The following TRHDE variants were observed in gnomAD, a reference collection of about 807,000 sequenced individuals.
The protein encoded by TRHDE is thyrotropin-releasing hormone-degrading ectoenzyme.
TRHDE carries 72 observed loss-of-function variants against 125.7 expected under a neutral mutation model. That is an observed-to-expected ratio of 0.57 (90% CI 0.47 to 0.70). The LOEUF (loss-of-function observed/expected upper bound fraction) is 0.70. Ranked by LOEUF, TRHDE falls within the 30% of genes least tolerant of loss-of-function variation. TRHDE has a pLI of 0.00. For missense variants in TRHDE, 1,110 were observed against 1,327.1 expected (o/e 0.84, Z 2.54); for synonymous variants, 509 against 509.1 (o/e 1.00, Z 0.00).
chr12:72,408,937 G>C (rs1490879275), intron 3 of TRHDE, among the ~76,000 whole-genome samples: 2 of 152,174 alleles, frequency 1.3e-5, no homozygotes, highest in African/African-American at 4.8e-5. Context: ...CGGAGTTCCA[G>C]AAGAGGAGGA....
chr12:72,636,463 A>C (rs1163551520), intron 15 of TRHDE, among the ~76,000 whole-genome samples: 2 of 151,140 alleles, frequency 1.3e-5, no homozygotes, highest in African/African-American at 2.4e-5. Flanking sequence ...GGACAATTTG[A>C]CTTCCTCTTT....
intron 3 of TRHDE, among the ~76,000 whole-genome samples, chr12:72,430,786 A>G (rs776526828): frequency 2.6e-5 from 4 of 152,068 alleles, no homozygotes; most frequent in Non-Finnish European, 4.4e-5. Context: ...AGTTTTTGCT[A>G]AGAAACAAGT....
chr12:72,429,344 A>AATAATG lies in TRHDE; in HGVS notation c.1316-40409_1316-40408insGATAAT, dbSNP rs1555185446. Among the ~76,000 whole-genome samples, 124 of 136,054 alleles carry AATAATG rather than the reference A, an allele frequency of 9.1e-4. 1 individual carries two copies. Among genetic ancestry groups the AATAATG allele is most frequent in the African/African-American group, 4.0e-3 (118 of 29,170 alleles). The allele number at this position is 136,054 out of a possible 152,430, so 89.3% of individuals were successfully genotyped here. ...CGTAACCCAGAATTTAAAGCATAAT[A>AATAATG]ATAATAATAATAATAATAATAATAA... On this transcript the variant is annotated intron_variant, in intron 3 of 18. Coordinates refer to ENST00000261180, the MANE Select transcript of TRHDE (RefSeq NM_013381.3).
intron 2 of TRHDE, among the ~76,000 whole-genome samples, chr12:72,231,677 A>C (rs2139374525): frequency 6.6e-6 from 1 of 152,286 alleles, no homozygotes; most frequent in East Asian, 1.9e-4. Context: ...TTCTGGAAAG[A>C]CTATGCTTAG....
intron 2 of TRHDE, among the ~76,000 whole-genome samples, chr12:72,149,786 GA>G (rs1020598149): frequency 2.6e-5 from 4 of 151,986 alleles, no homozygotes; most frequent in African/African-American, 9.7e-5. Flanking sequence ...AAAATTGGGT[GA>G]AAAGAAATAC....
chr12:72,527,815 G>A (rs1421491899), intron 6 of TRHDE, among the ~76,000 whole-genome samples: 2 of 151,992 alleles, frequency 1.3e-5, no homozygotes, highest in Non-Finnish European at 2.9e-5. Flanking sequence ...ACTAGAAAAA[G>A]TATGAATTTC....
intron 12 of TRHDE, among the ~76,000 whole-genome samples, chr12:72,588,694 A>T (rs1041921134): frequency 2.0e-5 from 3 of 152,182 alleles, no homozygotes; most frequent in Non-Finnish European, 2.9e-5. Flanking sequence ...GGTCATGAGG[A>T]CAAACTCCAT....
chr12:72,089,043 C>G (rs1312316209), intron 1 of TRHDE, among the ~76,000 whole-genome samples: 1 of 152,146 alleles, frequency 6.6e-6, no homozygotes, highest in African/African-American at 2.4e-5. Context: ...TTTCAAACCT[C>G]CTTTACCCAT....
intron 2 of TRHDE, among the ~76,000 whole-genome samples, chr12:72,171,622 G>T (rs1169712042): frequency 6.6e-6 from 1 of 152,138 alleles, no homozygotes; most frequent in African/African-American, 2.4e-5. Flanking sequence ...CCTAGAAGTT[G>T]TCAAGTGAGT....
At chr12:72,471,338 C>T (rs1876640199) in intron 4 of TRHDE, among the ~76,000 whole-genome samples, 1 of 152,050 alleles carries the variant, frequency 6.6e-6, no homozygotes, top group South Asian at 2.1e-4. Context: ...ATGGTTTTGA[C>T]CGAATATCAT....
At chr12:72,342,851 T>A (rs1870145123) in intron 2 of TRHDE, among the ~76,000 whole-genome samples, 1 of 152,126 alleles carries the variant, frequency 6.6e-6, no homozygotes, top group Non-Finnish European at 1.5e-5. Context: ...CAACTAAGCT[T>A]TGAGATATTA....
intron 2 of TRHDE, among the ~76,000 whole-genome samples, chr12:72,325,086 TA>T (rs952211504): frequency 1.5e-4 from 23 of 151,924 alleles, no homozygotes; most frequent in African/African-American, 5.5e-4. Flanking sequence ...AAAAAGAATT[TA>T]AAAAAAGAAA....
chr12:72,106,787 C>T (rs1251748299), intron 2 of TRHDE, among the ~76,000 whole-genome samples: 1 of 151,832 alleles, frequency 6.6e-6, no homozygotes, highest in East Asian at 1.9e-4. Context: ...GAATATCTCC[C>T]ATTTGCCATA....
chr12:72,311,697 G>A (rs549079415), intron 2 of TRHDE, among the ~76,000 whole-genome samples: 16 of 152,202 alleles, frequency 1.1e-4, no homozygotes, highest in South Asian at 8.3e-4. Flanking sequence ...CATTATATTG[G>A]CCAATTTGGA....
intron 2 of TRHDE, among the ~76,000 whole-genome samples, chr12:72,156,393 C>T (rs1876512395): frequency 1.3e-5 from 2 of 152,168 alleles, no homozygotes; most frequent in South Asian, 2.1e-4. Flanking sequence ...GTGCACTGCA[C>T]CCACTGTCCT....
chr12:72,613,839 C>T (rs1373927894), intron 12 of TRHDE, among the ~76,000 whole-genome samples: 1 of 152,016 alleles, frequency 6.6e-6, no homozygotes, highest in Non-Finnish European at 1.5e-5. Context: ...TTAGGCCATT[C>T]TTGTAATGCC....
chr12:72,287,022 T>G, intron 2 of TRHDE, 68 bp downstream of exon 2: 1 of 1,505,690 alleles, frequency 6.6e-7, no homozygotes, highest in Non-Finnish European at 9.0e-7. Flanking sequence ...GATTTCTGGA[T>G]TAACAGTGAG....
chr12:72,384,422 C>T (rs1358602065), intron 3 of TRHDE, among the ~76,000 whole-genome samples: 1 of 151,994 alleles, frequency 6.6e-6, no homozygotes, highest in Non-Finnish European at 1.5e-5. Flanking sequence ...TAGAGACTCG[C>T]ACAATATGGA....
At chr12:72,206,564 C>T (rs1467837916) in intron 2 of TRHDE, among the ~76,000 whole-genome samples, 1 of 152,008 alleles carries the variant, frequency 6.6e-6, no homozygotes, top group African/African-American at 2.4e-5. Flanking sequence ...TATCTATGTC[C>T]TGTTGGTTAT....
Sources: gnomAD v4.1 joint callset for allele counts (sites outside exome capture counted in the v4.1 genomes callset) on GRCh38, gnomAD v4.1.1 for gene constraint, MANE v1.5 for transcripts, NCBI Gene and HGNC (gene_info 2026-07-23, HGNC 2026-07-21) for gene names.